Variants in OR1D2 observed in about 807,000 individuals in gnomAD.
OR1D2 encodes the protein olfactory receptor 1D2.
For synonymous variants in OR1D2, 157 were observed against 153.9 expected (o/e 1.02, Z -0.15); for missense variants, 357 against 376.1 (o/e 0.95, Z 0.42).
At chr17:3,098,016 T>C (rs1456515669) in intron 1 of OR1D2, among the ~76,000 whole-genome samples, 5 of 152,170 alleles carry the variant, frequency 3.3e-5, no homozygotes, top group Admixed American at 2.0e-4. Context: ...GACAGTACCC[T>C]GATCTCCCTG....
intron 1 of OR1D2, among the ~76,000 whole-genome samples, chr17:3,101,736 T>A (rs969617182): frequency 6.6e-6 from 1 of 152,214 alleles, no homozygotes; most frequent in Non-Finnish European, 1.5e-5. Context: ...AATTGTCTGT[T>A]TGCTGATGAC....
rs2047810718 is a variant in OR1D2 at position 3,091,821 on chromosome 17, A to C, written c.*237T>G. ...GCCCTGTAGTCAAGTACATTGAAGAATTTGACCCTGCAACATTCTAGTGTT... is the reference window on the plus strand; with the variant it reads ...GCCCTGTAGTCAAGTACATTGAAGACTTTGACCCTGCAACATTCTAGTGTT... On this transcript the variant is annotated 3_prime_UTR_variant, in exon 2 of 2. Coordinates refer to ENST00000641833, the MANE Select transcript of OR1D2 (RefSeq NM_002548.3). 1 of 440,874 alleles carries C rather than the reference A, an allele frequency of 2.3e-6. No homozygotes were observed. The highest frequency in any genetic ancestry group is 4.1e-6 in the Non-Finnish European group (1 of 245,782). 27.3% of individuals were successfully genotyped at this position (440,874 alleles called of 1,614,324 possible). A position where few individuals can be genotyped will look rare whatever the true frequency, so the allele number is the denominator to read the frequency against.
rs943995893 is a variant in OR1D2 at position 3,101,026 on chromosome 17, A to G, written c.-51+3073T>C. 3.3e-5 allele frequency among the ~76,000 whole-genome samples: 5 copies of G among 152,304 alleles called. No individual in the cohort carries two copies. The East Asian group carries it at 9.6e-4, about 29-fold the overall frequency. Reference sequence around the variant, plus strand: ...AACAAGTTCTGAAATTGAGGCAGTAATTAATAGCCTACCAACCAAAAAAAG... The same window carrying G: ...AACAAGTTCTGAAATTGAGGCAGTAGTTAATAGCCTACCAACCAAAAAAAG... On this transcript the variant is annotated intron_variant, in intron 1 of 1. Transcript: ENST00000641833.
intron 1 of OR1D2, among the ~76,000 whole-genome samples, chr17:3,100,236 G>A (rs2078667775): frequency 6.6e-6 from 1 of 152,082 alleles, no homozygotes; most frequent in Non-Finnish European, 1.5e-5. Flanking sequence ...ATTTGTCTCA[G>A]TACCACATGG....
intron 1 of OR1D2, among the ~76,000 whole-genome samples, chr17:3,103,360 C>A (rs2047882796): frequency 6.6e-6 from 1 of 152,148 alleles, no homozygotes; most frequent in Non-Finnish European, 1.5e-5. Flanking sequence ...CCTGCCTCAG[C>A]CTCCTGAGTA....
intron 1 of OR1D2, among the ~76,000 whole-genome samples, chr17:3,096,993 C>A (rs2047848941): frequency 6.6e-6 from 1 of 152,094 alleles, no homozygotes; most frequent in Admixed American, 6.5e-5. Context: ...CATTAAAAGG[C>A]TAGAAAAAAT....
At chr17:3,093,137 A>G (rs2047826179) in intron 1 of OR1D2, 91 bp from the exon 2 acceptor site, 1 of 784,900 alleles carries the variant, frequency 1.3e-6, no homozygotes, top group Admixed American at 2.9e-5. Context: ...TTTTGAAAAT[A>G]AGAAAGTGAA....
intron 1 of OR1D2, among the ~76,000 whole-genome samples, chr17:3,101,793 T>C (rs1488411421): frequency 6.6e-6 from 1 of 152,224 alleles, no homozygotes; most frequent in Non-Finnish European, 1.5e-5. Flanking sequence ...CCAAAACTTC[T>C]TAAGCGATAA....
rs1433296824 is a variant in OR1D2, at chr17:3,089,066, T to A, written c.*2992A>T. The A allele has an allele frequency of 2.0e-5, 3 of 152,308 alleles. No individual in the cohort carries two copies. The highest frequency in any genetic ancestry group is 7.2e-5 in the African/African-American group (3 of 41,570). 9.4% of individuals were successfully genotyped at this position (152,308 alleles called of 1,614,324 possible). A position where few individuals can be genotyped will look rare whatever the true frequency, so the allele number is the denominator to read the frequency against. On this transcript the variant is annotated 3_prime_UTR_variant, in exon 2 of 2. Coordinates refer to ENST00000641833, the MANE Select transcript of OR1D2 (RefSeq NM_002548.3). ...GGTGTTAAAGAACCTTGTTTTGTCATATTACCAGATTTGTTTTTCTGGTTC... is the reference window on the plus strand; with the variant it reads ...GGTGTTAAAGAACCTTGTTTTGTCAAATTACCAGATTTGTTTTTCTGGTTC...
intron 1 of OR1D2, among the ~76,000 whole-genome samples, chr17:3,100,246 G>A (rs1258479047): frequency 6.6e-6 from 1 of 152,090 alleles, no homozygotes; most frequent in Non-Finnish European, 1.5e-5. Flanking sequence ...GTACCACATG[G>A]CACTTATTCT....
chr17:3,101,210 A>G (rs1200559508), intron 1 of OR1D2, among the ~76,000 whole-genome samples: 2 of 152,186 alleles, frequency 1.3e-5, no homozygotes, highest in African/African-American at 4.8e-5. Context: ...CCTCACAGAG[A>G]CATAACAAAA....
In OR1D2 at chr17:3,092,160, C is replaced by T. The variant is rs1257729529; in HGVS notation, c.837G>A (p.Val279=). The change falls in exon 2 of 2, where the codon GTG becomes GTA. Residue 279 remains valine (V), a synonymous_variant. Transcript: ENST00000641833. The part of the protein sequence containing the change: ...KDSVATVMYA[V]VTPMMNPFIY... ...TGAAGGGATTCATCATGGGTGTCAC[C>T]ACAGCATACATCACTGTGGCTACTG... 4 of 1,614,124 alleles carry T rather than the reference C, an allele frequency of 2.5e-6. No homozygotes were observed. The highest frequency in any genetic ancestry group is 3.4e-6 in the Non-Finnish European group (4 of 1,180,024).
At position 3,089,524 on chromosome 17, in the gene OR1D2, G is replaced by C. The variant is rs535558308; in HGVS notation, c.*2534C>G. ...GAGTGCACCAGCTGTGGTAGCATAGGGGGGATACAAACTTGCCCTAAGGTG... is the reference window on the plus strand; with the variant it reads ...GAGTGCACCAGCTGTGGTAGCATAGCGGGGATACAAACTTGCCCTAAGGTG... On this transcript the variant is annotated 3_prime_UTR_variant, in exon 2 of 2. Coordinates refer to ENST00000641833, the MANE Select transcript of OR1D2 (RefSeq NM_002548.3). 1.3e-5 allele frequency: 2 copies of C among 152,306 alleles called. No homozygotes were observed. Among genetic ancestry groups the C allele is most frequent in the Non-Finnish European group, 2.9e-5 (2 of 68,136 alleles). The allele number at this position is 152,306 out of a possible 1,614,324, so 9.4% of individuals were successfully genotyped here.
At chr17:3,100,344 T>A (rs1234571538) in intron 1 of OR1D2, among the ~76,000 whole-genome samples, 3 of 152,086 alleles carry the variant, frequency 2.0e-5, no homozygotes, top group African/African-American at 7.2e-5. Context: ...CACAGTGCCA[T>A]CAAATTAGAA....
chr17:3,092,900 A>G lies in OR1D2; in HGVS notation c.97T>C (p.Ser33Pro). The G allele has an allele frequency of 1.2e-6, 2 of 1,614,060 alleles. No individual in the cohort carries two copies. Among genetic ancestry groups the G allele is most frequent in the Non-Finnish European group, 1.7e-6 (2 of 1,179,994 alleles). The change falls in exon 2 of 2, where the codon TCC becomes CCC. Residue 33 changes from serine (S) to proline (P), a missense_variant. Coordinates refer to ENST00000641833, the MANE Select transcript of OR1D2 (RefSeq NM_002548.3). ...CCCACCACCGTGACCAGGTACATGG[A>G]CAGGAACATCCAAAACAGGATCCGC... ...QQRILFWMFL[S>P]MYLVTVVGNV... is the part of the protein sequence containing the mutation.
intron 1 of OR1D2, 26 bp downstream of exon 1, chr17:3,104,073 A>T (rs1214782494): frequency 6.6e-6 from 1 of 152,270 alleles, no homozygotes; most frequent in African/African-American, 2.4e-5. Context: ...AGAGGGAGAA[A>T]GAGCATGAGG....
chr17:3,092,152 G>T lies in OR1D2; in HGVS notation c.845C>A (p.Pro282His). ...GCTGTAGATGAAGGGATTCATCATG[G>T]GTGTCACCACAGCATACATCACTGT... ...VATVMYAVVT[P>H]MMNPFIYSLR... The change falls in exon 2 of 2, where the codon CCC (proline) becomes CAC (histidine). Residue 282 changes from proline (P) to histidine (H), a missense_variant. Physicochemically the swap from Pro to His is moderately conservative, Grantham distance 77. Coordinates refer to ENST00000641833, the MANE Select transcript of OR1D2 (RefSeq NM_002548.3). 1.2e-6 allele frequency: 2 copies of T among 1,614,062 alleles called. No individual in the cohort carries two copies. Among genetic ancestry groups the T allele is most frequent in the Non-Finnish European group, 1.7e-6 (2 of 1,179,980 alleles).
intron 1 of OR1D2, among the ~76,000 whole-genome samples, chr17:3,098,853 A>G (rs2047861260): frequency 6.6e-6 from 1 of 152,196 alleles, no homozygotes; most frequent in Non-Finnish European, 1.5e-5. Context: ...ATGGAGCTGA[A>G]AAACATAGCA....
At chr17:3,102,765 G>T (rs1260278818) in intron 1 of OR1D2, among the ~76,000 whole-genome samples, 4 of 152,162 alleles carry the variant, frequency 2.6e-5, no homozygotes, top group African/African-American at 9.6e-5. Context: ...CAAACTTAAA[G>T]CCTAATTGTC....
Sources: allele counts gnomAD v4.1 joint callset (sites outside exome capture counted in the v4.1 genomes callset), GRCh38; gene constraint gnomAD v4.1.1; transcripts MANE v1.5; gene names NCBI Gene and HGNC (gene_info 2026-07-23, HGNC 2026-07-21).